ANKRD60: variants seen among roughly 807,000 people sequenced by gnomAD.
ANKRD60 encodes the protein ankyrin repeat domain-containing protein 60.
ANKRD60 carries 24 observed loss-of-function variants against 21.3 expected under a neutral mutation model. The observed-to-expected ratio is 1.13, with a 90% CI of 0.82 to 1.59. ANKRD60 has a LOEUF of 1.59. Ranked by LOEUF, ANKRD60 falls within the 40% of genes most tolerant of loss-of-function variation. ANKRD60 has a pLI of 0.00. For synonymous variants in ANKRD60, 182 were observed against 199.4 expected (o/e 0.91, Z 0.74); for missense variants, 490 against 466.7 (o/e 1.05, Z -0.46).
At chr20:58,219,595 A>G (rs1222311226) in intron 3 of ANKRD60, among the ~76,000 whole-genome samples, 1 of 152,216 alleles carries the variant, frequency 6.6e-6, no homozygotes, top group African/African-American at 2.4e-5. Flanking sequence ...GGTGTCCAAT[A>G]TGGAGTTGTT....
intron 2 of ANKRD60, among the ~76,000 whole-genome samples, chr20:58,222,496 C>A (rs769105974): frequency 2.6e-5 from 4 of 152,238 alleles, no homozygotes; most frequent in Non-Finnish European, 5.9e-5. Context: ...CATTGCCCCT[C>A]GTGTCACAGT....
At chr20:58,223,899 C>T (rs542470980) in intron 1 of ANKRD60, among the ~76,000 whole-genome samples, 2 of 152,192 alleles carry the variant, frequency 1.3e-5, no homozygotes, top group East Asian at 3.9e-4. Context: ...CCCAGGAGTT[C>T]GAGACCAGCC....
Position 58,223,045 on chromosome 20 carries a change from A to G in ANKRD60, c.561+7T>C. 6.5e-7 allele frequency: 1 copy of G among 1,543,610 alleles called. No individual in the cohort carries two copies. The highest frequency in any genetic ancestry group is 8.7e-7 in the Non-Finnish European group (1 of 1,144,698). ...TATAATATCCATTTAAAGAAGCTTG[A>G]AAACACCTTGCTGGGATCCCCTTCC... is the stretch of plus-strand genomic sequence containing the variant. On this transcript the variant is annotated splice_region_variant and intron_variant, in intron 2 of 3. Transcript: ENST00000457363.
At chr20:58,221,550 C>T in intron 2 of ANKRD60, 47 bp from the exon 3 acceptor site, 1 of 1,540,464 alleles carries the variant, frequency 6.5e-7, no homozygotes, top group Non-Finnish European at 8.8e-7. Flanking sequence ...AGCGTGGCTA[C>T]ATTTTGCTGG....
At position 58,228,396 on chromosome 20, in the gene ANKRD60, C is replaced by T. The variant is rs753378630; in HGVS notation, c.258G>A (p.Leu86=). 3.2e-6 allele frequency: 5 copies of T among 1,546,494 alleles called. No homozygotes were observed. In the South Asian group the frequency reaches 5.9e-5, roughly 18 times the overall value. ...CGAAGACGTCAGGGGCCAAGTCGGG[C>T]AAGGCACTCGCGGCCTTCGGGTCAC... Residue 86 remains leucine (L), a synonymous_variant, in exon 1 of 4, where the codon TTG becomes TTA. Coordinates refer to ENST00000457363, the Ensembl canonical transcript of ANKRD60. The surrounding 1 kb of genome is among the most constrained non-coding windows in gnomAD (Gnocchi z 5.3).
chr20:58,220,958 G>A (rs1406454342), intron 3 of ANKRD60, among the ~76,000 whole-genome samples: 1 of 152,116 alleles, frequency 6.6e-6, no homozygotes, highest in Non-Finnish European at 1.5e-5. Flanking sequence ...TCGGACCATT[G>A]CAGCATCCTA....
chr20:58,220,121 G>A (rs1269245465), intron 3 of ANKRD60, among the ~76,000 whole-genome samples: 4 of 152,250 alleles, frequency 2.6e-5, no homozygotes, highest in Non-Finnish European at 4.4e-5. Context: ...AGCCAAGGCT[G>A]TGAGTAGGAA....
At chr20:58,218,455 GC>G (rs1984175783), downstream of ANKRD60, 1 of 1,522,304 alleles carries the variant, frequency 6.6e-7, no homozygotes, top group Non-Finnish European at 8.9e-7. Context: ...CTGCAAAGTT[GC>G]CCAAACCAGC....
chr20:58,225,616 A>G (rs2042838566), intron 1 of ANKRD60, among the ~76,000 whole-genome samples: 1 of 151,934 alleles, frequency 6.6e-6, no homozygotes, highest in Non-Finnish European at 1.5e-5. Context: ...TGTGTTACGG[A>G]TTAGGAAACT....
chr20:58,220,166 G>A (rs1235563587), intron 3 of ANKRD60, among the ~76,000 whole-genome samples: 1 of 152,206 alleles, frequency 6.6e-6, no homozygotes, highest in Non-Finnish European at 1.5e-5. Flanking sequence ...AGTTGATACA[G>A]GAGACCCATG....
rs951888518 is a variant in ANKRD60, at chr20:58,228,489, C to G, written c.165G>C (p.Ser55=). The G allele has an allele frequency of 2.0e-6, 3 of 1,482,538 alleles. No individual in the cohort carries two copies. Among genetic ancestry groups the G allele is most frequent in the East Asian group, 2.7e-5 (1 of 37,572 alleles). 91.8% of individuals were successfully genotyped at this position (1,482,538 alleles called of 1,614,324 possible). Residue 55 remains serine (S), a synonymous_variant, in exon 1 of 4, where the codon TCG becomes TCC. Transcript: ENST00000457363. This position sits in a 1 kb window ranked among gnomAD's most constrained non-coding sequence, Gnocchi z 5.3. ...GCGCGGGGAGGGCCCGCGAGTCCGC[C>G]GAGCCCACCCTGGGCCCGCCGCACC...
chr20:58,216,790 A>G (rs989915756), downstream of ANKRD60, among the ~76,000 whole-genome samples: 1 of 152,206 alleles, frequency 6.6e-6, no homozygotes, highest in Non-Finnish European at 1.5e-5. Context: ...GCCAGGATAC[A>G]GCGCCATTTC....
intron 2 of ANKRD60, among the ~76,000 whole-genome samples, chr20:58,222,377 C>T (rs1984276991): frequency 6.6e-6 from 1 of 152,208 alleles, no homozygotes; most frequent in South Asian, 2.1e-4. Flanking sequence ...ATCCCAGCCC[C>T]TGCTACACCC....
exon 4 of ANKRD60, chr20:58,218,554 C>T (rs1409084889): frequency 4.5e-6 from 7 of 1,551,638 alleles, no homozygotes; most frequent in Non-Finnish European, 1.7e-6. Flanking sequence ...CTCTGCAAAG[C>T]ATTCTTCATG....
chr20:58,218,536 A>G (rs1389545507), exon 4 of ANKRD60: 1 of 1,551,634 alleles, frequency 6.4e-7, no homozygotes, highest in African/African-American at 1.4e-5. Flanking sequence ...CTAAACCCAG[A>G]CTTGACCCTC....
chr20:58,220,383 C>G (rs1466306720), intron 3 of ANKRD60, among the ~76,000 whole-genome samples: 2 of 152,094 alleles, frequency 1.3e-5, no homozygotes, highest in African/African-American at 4.8e-5. Flanking sequence ...CCAAAAATAT[C>G]CCACATCCAG....
exon 2 of ANKRD60, chr20:58,223,165 T>A: frequency 6.5e-7 from 1 of 1,546,836 alleles, no homozygotes; most frequent in Middle Eastern, 1.7e-4. Context: ...TTCAGGGTAG[T>A]GTCATCCATC....
chr20:58,228,294 C>T lies in ANKRD60; in HGVS notation c.360G>A (p.Glu120=). The T allele has an allele frequency of 6.4e-7, 1 of 1,551,458 alleles. No homozygotes were observed. The highest frequency in any genetic ancestry group is 8.7e-7 in the Non-Finnish European group (1 of 1,146,920). Residue 120 remains glutamate (E), a synonymous_variant, in exon 1 of 4, where the codon GAG becomes GAA. Transcript: ENST00000457363. This position sits in a 1 kb window ranked among gnomAD's most constrained non-coding sequence, Gnocchi z 5.3. ...CCATCAGGTCCAGCTCCTCTTTGAGCTCCCGCACGGTCATGTCGCCGCGGC... is the reference window on the plus strand; with the variant it reads ...CCATCAGGTCCAGCTCCTCTTTGAGTTCCCGCACGGTCATGTCGCCGCGGC...
intron 1 of ANKRD60, among the ~76,000 whole-genome samples, chr20:58,227,384 C>A (rs1984386271): frequency 6.6e-6 from 1 of 151,896 alleles, no homozygotes; most frequent in Non-Finnish European, 1.5e-5. Context: ...GGCATCCTTG[C>A]AAGACAAAAG....
Sources: gnomAD v4.1 joint callset for allele counts (sites outside exome capture counted in the v4.1 genomes callset) on GRCh38, gnomAD v4.1.1 for gene constraint, Gnocchi (gnomAD v3.1) non-coding constraint, MANE v1.5 for transcripts, NCBI Gene and HGNC (gene_info 2026-07-23, HGNC 2026-07-21) for gene names.